FBXO32: variants seen among roughly 807,000 people sequenced by gnomAD.
FBXO32 encodes F-box protein 32, also known as F-box only protein 32.
Under a neutral mutation model 48.3 loss-of-function variants are expected in FBXO32, and 15 were observed. The ratio of observed to expected loss-of-function variants is 0.31; its 90% CI spans 0.21 to 0.48. The LOEUF is 0.48. Ranked by LOEUF, FBXO32 falls within the 20% of genes least tolerant of loss-of-function variation. The pLI, the probability that FBXO32 is intolerant of heterozygous loss-of-function variation, is 0.99. For missense variants in FBXO32, 309 were observed against 432.7 expected (o/e 0.71, Z 2.54); for synonymous variants, 154 against 165.9 (o/e 0.93, Z 0.55).
chr8:123,540,789 C>T lies in FBXO32; in HGVS notation c.116+110G>A. On this transcript the variant is annotated intron_variant, in intron 1 of 8. Coordinates refer to ENST00000517956, the MANE Select transcript of FBXO32 (RefSeq NM_058229.4). This position sits in a 1 kb window ranked among gnomAD's most constrained non-coding sequence, Gnocchi z 6.4. ...TCCCACCCTCCGGGTCAGGGTCTCC[C>T]TCCTCAGCCCGCTCCAGCCCTGCCT... 1.1e-6 allele frequency: 1 copy of T among 914,036 alleles called. No individual in the cohort carries two copies. The highest frequency in any genetic ancestry group is 1.7e-6 in the Non-Finnish European group (1 of 589,190). The allele number at this position is 914,036 out of a possible 1,614,324, so 56.6% of individuals were successfully genotyped here.
chr8:123,535,964 T>G (rs552795834), intron 1 of FBXO32, among the ~76,000 whole-genome samples: 7 of 152,334 alleles, frequency 4.6e-5, no homozygotes, highest in Admixed American at 3.9e-4. Flanking sequence ...ACATCTGCAC[T>G]TCTCTATTTC....
intron 6 of FBXO32, among the ~76,000 whole-genome samples, chr8:123,507,217 A>G (rs1261555474): frequency 6.6e-6 from 1 of 152,150 alleles, no homozygotes; most frequent in East Asian, 1.9e-4. Flanking sequence ...TCTTTTTGTC[A>G]TGCAACATGA....
At chr8:123,509,745 G>A (rs1243384932) in intron 6 of FBXO32, among the ~76,000 whole-genome samples, 1 of 151,964 alleles carries the variant, frequency 6.6e-6, no homozygotes, top group East Asian at 1.9e-4. Context: ...AAAAAGAAAA[G>A]CCCTTTAAGG....
chr8:123,512,811 T>TC (rs1816761707), intron 6 of FBXO32, among the ~76,000 whole-genome samples: 1 of 152,170 alleles, frequency 6.6e-6, no homozygotes, highest in Non-Finnish European at 1.5e-5. Context: ...GCTACTGCCT[T>TC]CCCAGCTCTA....
chr8:123,509,120 C>G (rs1816687677), intron 6 of FBXO32, among the ~76,000 whole-genome samples: 1 of 152,038 alleles, frequency 6.6e-6, no homozygotes, highest in African/African-American at 2.4e-5. Context: ...TTGTTTCCTT[C>G]ATTCTTTATT....
At chr8:123,523,587 TCAAAA>T (rs1817007223) in intron 4 of FBXO32, among the ~76,000 whole-genome samples, 1 of 140,116 alleles carries the variant, frequency 7.1e-6, no homozygotes, top group Admixed American at 7.2e-5. Context: ...AGACTCCGTC[TCAAAA>T]CAAAACAAAC....
At position 123,540,607 on chromosome 8, in the gene FBXO32, T is replaced by A. The variant is rs1443072359; in HGVS notation, c.116+292A>T. On this transcript the variant is annotated intron_variant, in intron 1 of 8. Coordinates refer to ENST00000517956, the MANE Select transcript of FBXO32 (RefSeq NM_058229.4). This position sits in a 1 kb window ranked among gnomAD's most constrained non-coding sequence, Gnocchi z 6.4. ...GTGTGATTAAGTTTGAGCGAACGTT[T>A]GGGGACACGATCCGCGAATGTCATC... Among the ~76,000 whole-genome samples the A allele has an allele frequency of 2.6e-5, 4 of 152,214 alleles. No homozygotes were observed. The highest frequency in any genetic ancestry group is 5.9e-5 in the Non-Finnish European group (4 of 68,030).
At position 123,499,619 on chromosome 8, in the gene FBXO32, T is replaced by A. The variant is rs1224801546; in HGVS notation, c.*3754A>T. 6.6e-6 allele frequency: 1 copy of A among 152,154 alleles called. No individual in the cohort carries two copies. Among genetic ancestry groups the A allele is most frequent in the Non-Finnish European group, 1.5e-5 (1 of 68,020 alleles). The allele number at this position is 152,154 out of a possible 1,614,324, so 9.4% of individuals were successfully genotyped here. A position where few individuals can be genotyped will look rare whatever the true frequency, so the allele number is the denominator to read the frequency against. ...TGCCCTTCAGCCTGGCAGAAAAACA[T>A]AAACTCAGGTGTATATTTTATAATA... On this transcript the variant is annotated 3_prime_UTR_variant, in exon 9 of 9. Transcript: ENST00000517956.
chr8:123,539,464 C>G (rs1428462869), intron 1 of FBXO32, among the ~76,000 whole-genome samples: 1 of 152,142 alleles, frequency 6.6e-6, no homozygotes, highest in Non-Finnish European at 1.5e-5. Context: ...AAATAAATTA[C>G]TTGATTTTAC....
At chr8:123,519,107 G>A (rs1563922817) in intron 4 of FBXO32, among the ~76,000 whole-genome samples, 1 of 152,216 alleles carries the variant, frequency 6.6e-6, no homozygotes, top group African/African-American at 2.4e-5. Context: ...TTACAGGCAT[G>A]AGCCACTGTG....
chr8:123,503,562 C>G (rs1816544393), intron 8 of FBXO32, 100 bp from the exon 9 acceptor site: 2 of 801,644 alleles, frequency 2.5e-6, no homozygotes, highest in South Asian at 1.6e-5. Context: ...AATTCTCTGT[C>G]AATAATGCCC....
rs938169881 is a variant in FBXO32 at position 123,513,253 on chromosome 8, C to T, written c.596G>A (p.Arg199Gln). ...LVGNINMWVY[R>Q]METILHWQQQ... The stretch of plus-strand genomic sequence containing the variant: ...CTGCCAGTGGAGAATCGTCTCCATC[C>T]GATACACCCACATGTTAATGTTCCC... Residue 199 changes from arginine (R) to glutamine (Q), a missense_variant, in exon 6 of 9, where the codon CGG (arginine) becomes CAG (glutamine). Arg to Gln is a conservative substitution (Grantham distance 43, BLOSUM62 1). Transcript: ENST00000517956. The surrounding 1 kb of genome is among the most constrained non-coding windows in gnomAD (Gnocchi z 4.3). 4 of 1,614,086 alleles carry T rather than the reference C, an allele frequency of 2.5e-6. No individual in the cohort carries two copies. Among genetic ancestry groups the T allele is most frequent in the African/African-American group, 1.3e-5 (1 of 74,928 alleles).
At chr8:123,523,599 A>AAACAACAAC (rs143361308) in intron 4 of FBXO32, among the ~76,000 whole-genome samples, 3 of 146,546 alleles carry the variant, frequency 2.0e-5, no homozygotes, top group Admixed American at 1.4e-4. Context: ...AAAACAAAAC[A>AAACAACAAC]AACAACAACA....
At chr8:123,528,874 G>A (rs1288592667) in intron 4 of FBXO32, among the ~76,000 whole-genome samples, 1 of 152,042 alleles carries the variant, frequency 6.6e-6, no homozygotes, top group Non-Finnish European at 1.5e-5. Context: ...CTTAAAATCA[G>A]TTTAGCTCCT....
intron 4 of FBXO32, among the ~76,000 whole-genome samples, chr8:123,520,590 A>G (rs1012026158): frequency 6.6e-6 from 1 of 152,192 alleles, no homozygotes; most frequent in Non-Finnish European, 1.5e-5. Context: ...CTCAGAGCGG[A>G]TATCAACCAA....
In FBXO32 at chr8:123,513,136, G is replaced by A. The variant is rs1267805215; in HGVS notation, c.651+62C>T. The stretch of plus-strand genomic sequence containing the variant: ...AGGAGTGAATTCAAAGTCTTGGCGA[G>A]TCTGTCCAGTATCCCTGTGGAGGGA... On this transcript the variant is annotated intron_variant, in intron 6 of 8. Coordinates refer to ENST00000517956, the MANE Select transcript of FBXO32 (RefSeq NM_058229.4). The surrounding 1 kb of genome is among the most constrained non-coding windows in gnomAD (Gnocchi z 4.3). The A allele has an allele frequency of 1.3e-6, 2 of 1,541,720 alleles. No homozygotes were observed. Among genetic ancestry groups the A allele is most frequent in the Non-Finnish European group, 1.8e-6 (2 of 1,117,948 alleles).
rs1184644129 is a variant in FBXO32 at position 123,506,685 on chromosome 8, T to C, written c.652-111A>G. On this transcript the variant is annotated intron_variant, in intron 6 of 8. Transcript: ENST00000517956. This position sits in a 1 kb window ranked among gnomAD's most constrained non-coding sequence, Gnocchi z 4.0. ...GTCCTCCACCCTCAAGGCAGTTTATTGATAAGAGGTCGAAAGCAGTAGTAA... is the reference window on the plus strand; with the variant it reads ...GTCCTCCACCCTCAAGGCAGTTTATCGATAAGAGGTCGAAAGCAGTAGTAA... 1.7e-5 allele frequency: 15 copies of C among 878,590 alleles called. No individual in the cohort carries two copies. The highest frequency in any genetic ancestry group is 2.6e-5 in the Non-Finnish European group (15 of 568,110). 54.4% of individuals were successfully genotyped at this position (878,590 alleles called of 1,614,324 possible). A position where few individuals can be genotyped will look rare whatever the true frequency, so the allele number is the denominator to read the frequency against.
intron 4 of FBXO32, among the ~76,000 whole-genome samples, chr8:123,529,402 T>C (rs184630130): frequency 9.8e-5 from 15 of 152,318 alleles, no homozygotes; most frequent in Non-Finnish European, 1.8e-4. Context: ...ACAGTAAACA[T>C]TAGCGGCTGA....
intron 1 of FBXO32, among the ~76,000 whole-genome samples, chr8:123,538,418 C>A (rs10101504): frequency 2.6e-5 from 4 of 152,306 alleles, no homozygotes; most frequent in Admixed American, 6.5e-5. Context: ...GGTCCCTCCC[C>A]GCTTAAGGGC....
Sources: gnomAD v4.1 joint callset for allele counts (sites outside exome capture counted in the v4.1 genomes callset) on GRCh38, gnomAD v4.1.1 for gene constraint, Gnocchi (gnomAD v3.1) non-coding constraint, MANE v1.5 for transcripts, NCBI Gene and HGNC (gene_info 2026-07-23, HGNC 2026-07-21) for gene names.